The following PNISR variants were observed in gnomAD, a reference collection of about 807,000 sequenced individuals.
The protein encoded by PNISR is PNN interacting serine and arginine rich protein.
A neutral mutation model predicts 93.4 loss-of-function variants in PNISR; 20 were observed. That is an observed-to-expected ratio of 0.21 (90% CI 0.15 to 0.31). PNISR has a LOEUF of 0.31. Ranked by LOEUF, PNISR falls within the 10% of genes least tolerant of loss-of-function variation. The probability of loss-of-function intolerance (pLI) is 1.00; values close to 1 mark genes in which losing one functional copy is unlikely to be tolerated. For missense variants in PNISR, 893 were observed against 985.4 expected, an observed-to-expected ratio of 0.91 and a Z score of 1.25; for synonymous variants, 305 against 306.5, an observed-to-expected ratio of 0.99 and a Z score of 0.05.
At chr6:99,420,469 T>A (rs1205587952) in intron 1 of PNISR, among the ~76,000 whole-genome samples, 5 of 152,238 alleles carry the variant, frequency 3.3e-5, no homozygotes, top group South Asian at 2.1e-4. Flanking sequence ...AACTATTGTT[T>A]AATTAAACAG....
Position 99,406,113 on chromosome 6 carries a change from T to C in PNISR, c.920A>G (p.Lys307Arg). 6.2e-7 allele frequency: 1 copy of C among 1,609,996 alleles called. No homozygotes were observed. Residue 307 changes from lysine to arginine, a missense_variant, in exon 8 of 12, where the codon AAA becomes AGA. Transcript: ENST00000369239. The stretch of plus-strand genomic sequence containing the variant: ...AACTGGGGATGGACTTCTGGTGACT[T>C]TCCCACTACTTGCAGCCTCAACATT... ...TENVEAASSG[K>R]VTRSPSPVPQ...
chr6:99,422,143 G>C (rs1778647615), intron 1 of PNISR, among the ~76,000 whole-genome samples: 2 of 152,150 alleles, frequency 1.3e-5, no homozygotes, highest in African/African-American at 4.8e-5. Context: ...TGGGACTACA[G>C]GCATGAGCCA....
In PNISR at chr6:99,412,665, C is replaced by T; in HGVS notation, c.163G>A (p.Glu55Lys). ...TTTGGCATCATTCCTGGTGGTTGTT[C>T]TACCATGCTTTGCTGTCCTGAAGCT... ...REASGQQSMVEQPPGMMPNGQ... is the reference protein window; with the variant it reads ...REASGQQSMVKQPPGMMPNGQ... The change falls in exon 4 of 12, where the codon GAA becomes AAA. Residue 55 changes from glutamate to lysine, a missense_variant. Physicochemically the swap from Glu to Lys is moderately conservative, Grantham distance 56. Around this residue, in one of 3 missense-constraint regions of PNISR, gnomAD observed 866 missense variants for 935.1 expected, o/e 0.93. Transcript: ENST00000369239. 6.2e-7 allele frequency: 1 copy of T among 1,612,942 alleles called. No individual in the cohort carries two copies. The highest frequency in any genetic ancestry group is 8.5e-7 in the Non-Finnish European group (1 of 1,179,502).
At chr6:99,421,107 C>T (rs1468736447) in intron 1 of PNISR, among the ~76,000 whole-genome samples, 1 of 152,138 alleles carries the variant, frequency 6.6e-6, no homozygotes, top group African/African-American at 2.4e-5. Context: ...GCTTGTTAGG[C>T]TTGGGTTTTC....
Position 99,409,245 on chromosome 6 carries a change from T to C in PNISR, c.601A>G (p.Arg201Gly). The C allele has an allele frequency of 6.2e-7, 1 of 1,613,864 alleles. No homozygotes were observed. The highest frequency in any genetic ancestry group is 2.2e-5 in the East Asian group (1 of 44,882). Reference sequence around the variant, plus strand: ...TGACGATCCCTGAATGATGATGGCCTTTCTCTTCGATTCTGGGGAGGTGCT... The same window carrying C: ...TGACGATCCCTGAATGATGATGGCCCTTCTCTTCGATTCTGGGGAGGTGCT... ...PPAPPQNRRE[R>G]PSSFRDRQRS... is the part of the protein sequence containing the mutation. The change falls in exon 6 of 12, where the codon AGG (arginine) becomes GGG (glycine). Residue 201 changes from arginine to glycine, a missense_variant. Physicochemically the swap from Arg to Gly is moderately radical, Grantham distance 125 (BLOSUM62 -2). Transcript: ENST00000369239.
chr6:99,401,491 G>C lies in PNISR; in HGVS notation c.1467C>G (p.Thr489=). 6.2e-7 allele frequency: 1 copy of C among 1,612,690 alleles called. No individual in the cohort carries two copies. Among genetic ancestry groups the C allele is most frequent in the Non-Finnish European group, 8.5e-7 (1 of 1,179,664 alleles). The change falls in exon 12 of 12, where the codon ACC becomes ACG. Residue 489 remains threonine, a synonymous_variant. Coordinates refer to ENST00000369239, the MANE Select transcript of PNISR (RefSeq NM_032870.4). ...CTTTTTTTGGTTCTAAAACTGATGT[G>C]GTTTCATTTGGAGTTCTCTTCTTTT... ...VNEKKRTPNE[T]TSVLEPKKEH... is the part of the protein sequence containing the mutation.
rs1775305689 is a variant in PNISR, at chr6:99,400,399, G to A, written c.*141C>T. Reference sequence around the variant, plus strand: ...AATTTTAAATAAATAATATTATATAGGATTTCTAACATTTAAGACTATGAT... The same window carrying A: ...AATTTTAAATAAATAATATTATATAAGATTTCTAACATTTAAGACTATGAT... On this transcript the variant is annotated 3_prime_UTR_variant, in exon 12 of 12. Transcript: ENST00000369239. 2.5e-6 allele frequency: 3 copies of A among 1,210,886 alleles called. No homozygotes were observed. The East Asian group carries it at 9.0e-5, about 36-fold the overall frequency. 75.0% of individuals were successfully genotyped at this position (1,210,886 alleles called of 1,614,324 possible).
intron 1 of PNISR, among the ~76,000 whole-genome samples, chr6:99,420,411 TTA>T (rs1349778492): frequency 6.6e-6 from 1 of 152,188 alleles, no homozygotes; most frequent in Non-Finnish European, 1.5e-5. Flanking sequence ...ACTTAAACTT[TTA>T]TATATGTTTC....
chr6:99,404,759 C>A, intron 8 of PNISR, 57 bp from the exon 9 acceptor site: 1 of 850,930 alleles, frequency 1.2e-6, no homozygotes, highest in Non-Finnish European at 1.9e-6. Context: ...AATAGTGTGA[C>A]ATCTTCAAAA....
chr6:99,413,853 C>T (rs908131477), intron 3 of PNISR, among the ~76,000 whole-genome samples: 3 of 152,056 alleles, frequency 2.0e-5, no homozygotes, highest in East Asian at 3.8e-4. Flanking sequence ...CTGAAATTAC[C>T]GTGACTTAAC....
chr6:99,411,903 A>T (rs1263706233), intron 4 of PNISR: 1 of 179,262 alleles, frequency 5.6e-6, no homozygotes, highest in Admixed American at 5.5e-5. Context: ...TAGGGAAAGG[A>T]GGTTATGACT....
rs562115184 is a variant in PNISR, at chr6:99,413,535, C to T, written c.89-796G>A. On this transcript the variant is annotated intron_variant, in intron 3 of 11. Transcript: ENST00000369239. ...GCGATGGGGTTTCATCATGTTGCCC[C>T]GGCTGGCCTCAAACTCCTGAGCTCA... 1.3e-4 allele frequency among the ~76,000 whole-genome samples: 20 copies of T among 151,990 alleles called. No homozygotes were observed. In the South Asian group the frequency reaches 1.9e-3, roughly 14 times the overall value.
rs546112652 is a variant in PNISR, at chr6:99,412,797, C to T, written c.89-58G>A. The T allele has an allele frequency of 2.6e-5, 27 of 1,023,136 alleles. 1 individual carries two copies. In the East Asian group the frequency reaches 5.3e-4, roughly 20 times the overall value. The allele number at this position is 1,023,136 out of a possible 1,614,324, so 63.4% of individuals were successfully genotyped here. A position where few individuals can be genotyped will look rare whatever the true frequency, so the allele number is the denominator to read the frequency against. ...GAATGTAGGAGTTAAAAGAATAGTG[C>T]CTCTATGTAAAATAAGCAGCTCAAC... On this transcript the variant is annotated intron_variant, in intron 3 of 11. Transcript: ENST00000369239.
Position 99,400,923 on chromosome 6 carries a change from T to C in PNISR, c.2035A>G (p.Lys679Glu). The C allele has an allele frequency of 6.4e-7, 1 of 1,574,454 alleles. No homozygotes were observed. Among genetic ancestry groups the C allele is most frequent in the South Asian group, 1.1e-5 (1 of 89,384 alleles). The change falls in exon 12 of 12, where the codon AAG (lysine) becomes GAG (glutamate). Residue 679 changes from lysine to glutamate, a missense_variant. Lys to Glu is a moderately conservative substitution (Grantham distance 56, BLOSUM62 1). Transcript: ENST00000369239. Reference protein sequence around the residue: ...RSRSIDKDRKKKDKEREREQD... With the variant: ...RSRSIDKDRKEKDKEREREQD... ...TCACGTTCCCTTTCTTTGTCTTTCT[T>C]TTTCCTATCTTTATCTATACTTCGA... is the stretch of plus-strand genomic sequence containing the variant.
Position 99,402,708 on chromosome 6 carries a change from C to T in PNISR, c.1159G>A (p.Gly387Arg), listed in dbSNP as rs1775667678. The change falls in exon 11 of 12, where the codon GGA becomes AGA. Residue 387 changes from glycine to arginine, a missense_variant and splice_region_variant. Gly to Arg is a moderately radical substitution (Grantham distance 125). Transcript: ENST00000369239. ...SALASLTGLG[G>R]LGGYGSGDSE... ...TCTCCTGATCCATAACCACCCAGTC[C>T]ACCTGTGTGCATAAAGCTCAGTCTA... 1 of 1,569,490 alleles carries T rather than the reference C, an allele frequency of 6.4e-7. No homozygotes were observed. The highest frequency in any genetic ancestry group is 8.7e-7 in the Non-Finnish European group (1 of 1,152,748).
In PNISR at chr6:99,416,330, A is replaced by C; in HGVS notation, c.-32+19T>G. ...ATAGGAAACACCAAGAAGACACACC[A>C]ACTGCTATTTAAACTGACCTCAGAG... On this transcript the variant is annotated intron_variant, in intron 2 of 11. Transcript: ENST00000369239. The C allele has an allele frequency of 1.2e-6, 1 of 839,876 alleles. No homozygotes were observed. The highest frequency in any genetic ancestry group is 1.6e-6 in the Non-Finnish European group (1 of 629,996). The allele number at this position is 839,876 out of a possible 1,614,324, so 52.0% of individuals were successfully genotyped here.
At chr6:99,402,796 T>G (rs754041413) in intron 10 of PNISR, 86 bp from the exon 11 acceptor site, 9 of 990,084 alleles carry the variant, frequency 9.1e-6, no homozygotes, top group Non-Finnish European at 1.3e-5. Context: ...AAAGTTCATT[T>G]CTTTTTTCAT....
chr6:99,402,502 A>T, intron 11 of PNISR, 38 bp downstream of exon 11: 1 of 1,440,018 alleles, frequency 6.9e-7, no homozygotes, highest in Non-Finnish European at 9.4e-7. Flanking sequence ...AAGAAATACA[A>T]AACTGGACCA....
At chr6:99,419,258 C>T (rs34508783) in intron 1 of PNISR, among the ~76,000 whole-genome samples, 19,634 of 149,856 alleles carry the variant, frequency 0.13, 1,825 homozygotes, top group Non-Finnish European at 0.18. Context: ...GCAATTCCAC[C>T]GCAGGGTCCT....
Sources: gnomAD v4.1 joint callset for allele counts (sites outside exome capture counted in the v4.1 genomes callset) on GRCh38, gnomAD v4.1.1 for gene constraint, gnomAD v4.1.1 regional missense constraint, MANE v1.5 for transcripts, NCBI Gene and HGNC (gene_info 2026-07-23, HGNC 2026-07-21) for gene names.